IKZF1: variants seen among roughly 807,000 people sequenced by gnomAD.
IKZF1 encodes the protein DNA-binding protein Ikaros.
IKZF1 carries 10 observed loss-of-function variants against 51.7 expected under a neutral mutation model. That is an observed-to-expected ratio of 0.19 (90% CI 0.12 to 0.33). The LOEUF (loss-of-function observed/expected upper bound fraction) is 0.33. IKZF1 is among the 10% of genes least tolerant of loss of function. The probability of loss-of-function intolerance (pLI) is 1.00; values close to 1 mark genes in which losing one functional copy is unlikely to be tolerated. For missense variants in IKZF1, 484 were observed against 707.5 expected (o/e 0.68, Z 3.58); for synonymous variants, 280 against 282.3 (o/e 0.99, Z 0.08).
intron 2 of IKZF1, among the ~76,000 whole-genome samples, chr7:50,322,565 G>A (rs1793683376): frequency 6.6e-6 from 1 of 152,164 alleles, no homozygotes; most frequent in Non-Finnish European, 1.5e-5. Context: ...ACTTGGAGGA[G>A]AGCATATCTA....
chr7:50,316,823 T>G (rs79814380), intron 1 of IKZF1, among the ~76,000 whole-genome samples: 3,703 of 152,330 alleles, frequency 0.024, 64 homozygotes, highest in East Asian at 0.042. Context: ...GTGGTGTTGG[T>G]TGGAAGAGCC....
chr7:50,370,760 G>A (rs1808425977), intron 3 of IKZF1, among the ~76,000 whole-genome samples: 1 of 152,144 alleles, frequency 6.6e-6, no homozygotes, highest in Non-Finnish European at 1.5e-5. Flanking sequence ...AGAAAGAGAG[G>A]ACCAGTCTCC....
chr7:50,359,715 C>T (rs1804652238), intron 3 of IKZF1, among the ~76,000 whole-genome samples: 1 of 152,264 alleles, frequency 6.6e-6, no homozygotes, highest in Non-Finnish European at 1.5e-5. Flanking sequence ...AGACCAGATG[C>T]ACCCACCCAA....
At chr7:50,377,423 A>T (rs1810591804) in intron 4 of IKZF1, 1 of 153,094 alleles carries the variant, frequency 6.5e-6, no homozygotes, top group South Asian at 2.1e-4. Flanking sequence ...TGTCTTGCTG[A>T]AAGGTTTACT....
At chr7:50,305,293 A>G (rs905941590) in intron 1 of IKZF1, among the ~76,000 whole-genome samples, 2 of 152,164 alleles carry the variant, frequency 1.3e-5, no homozygotes, top group African/African-American at 2.4e-5. Context: ...TTCTTTTTAT[A>G]CTATAAATAT....
At chr7:50,309,532 T>C (rs1789650838) in intron 1 of IKZF1, among the ~76,000 whole-genome samples, 1 of 152,206 alleles carries the variant, frequency 6.6e-6, no homozygotes, top group Admixed American at 6.5e-5. Flanking sequence ...AAGAACTGTG[T>C]AAAGTGTTTT....
intron 7 of IKZF1, among the ~76,000 whole-genome samples, chr7:50,393,070 T>C (rs934922247): frequency 6.6e-6 from 1 of 151,904 alleles, no homozygotes; most frequent in Non-Finnish European, 1.5e-5. Context: ...AAGGCTAGGA[T>C]AGTAAAGACA....
At chr7:50,380,456 A>C (rs1007162429) in intron 4 of IKZF1, among the ~76,000 whole-genome samples, 2 of 152,216 alleles carry the variant, frequency 1.3e-5, no homozygotes. Context: ...GTAGCCCTCC[A>C]GACCTGGGGA....
chr7:50,311,894 CG>C lies in IKZF1; in HGVS notation c.-15+6973del, dbSNP rs1790267693. On this transcript the variant is annotated intron_variant, in intron 1 of 7. Coordinates refer to ENST00000331340, the MANE Select transcript of IKZF1 (RefSeq NM_006060.6). Reference sequence around the variant, plus strand: ...TTTTAAAAAAAAATGAAGAAAAAAACGTTTAAAATAATGGGAACACAGCAGT... The same window carrying C: ...TTTTAAAAAAAAATGAAGAAAAAAACTTTAAAATAATGGGAACACAGCAGT... Among the ~76,000 whole-genome samples, 3 of 151,968 alleles carry C rather than the reference CG, an allele frequency of 2.0e-5. No homozygotes were observed. The South Asian group carries it at 6.2e-4, about 32-fold the overall frequency.
intron 3 of IKZF1, among the ~76,000 whole-genome samples, chr7:50,334,170 A>C (rs926936327): frequency 1.4e-4 from 21 of 152,374 alleles, no homozygotes; most frequent in Admixed American, 5.2e-4. Flanking sequence ...ACAGAACTTC[A>C]TGACAGTTTT....
chr7:50,327,468 G>A (rs2153384085), intron 2 of IKZF1, 170 bp from the exon 3 acceptor site: 1 of 639,848 alleles, frequency 1.6e-6, no homozygotes, highest in Non-Finnish European at 2.5e-6. Context: ...ATTGTGTGGG[G>A]AGAAGTGACT....
chr7:50,337,018 A>G (rs1797949423), intron 3 of IKZF1, among the ~76,000 whole-genome samples: 1 of 152,114 alleles, frequency 6.6e-6, no homozygotes, highest in Non-Finnish European at 1.5e-5. Context: ...GTTGCTGGGG[A>G]CAGGATAATG....
intron 3 of IKZF1, among the ~76,000 whole-genome samples, chr7:50,372,810 A>G (rs1226379592): frequency 1.3e-5 from 2 of 152,246 alleles, no homozygotes; most frequent in Admixed American, 6.5e-5. Context: ...ACCTCAGGAC[A>G]GTATGTGATA....
chr7:50,356,881 G>A (rs1803570316), intron 3 of IKZF1, among the ~76,000 whole-genome samples: 1 of 151,852 alleles, frequency 6.6e-6, no homozygotes, highest in Non-Finnish European at 1.5e-5. Flanking sequence ...CGGTGTCTCT[G>A]GATATGGAGG....
intron 3 of IKZF1, among the ~76,000 whole-genome samples, chr7:50,344,547 A>G (rs1584633840): frequency 6.6e-6 from 1 of 152,242 alleles, no homozygotes; most frequent in Non-Finnish European, 1.5e-5. Flanking sequence ...GAGCACATCT[A>G]GAATTATTCC....
At chr7:50,397,121 A>ATCTTTAG (rs1419053504) in intron 7 of IKZF1, among the ~76,000 whole-genome samples, 3 of 152,216 alleles carry the variant, frequency 2.0e-5, no homozygotes, top group Admixed American at 2.0e-4. Context: ...TCACACCTAA[A>ATCTTTAG]GATTTGGAAA....
intron 1 of IKZF1, among the ~76,000 whole-genome samples, chr7:50,306,563 G>T (rs561900071): frequency 6.6e-6 from 1 of 152,210 alleles, no homozygotes; most frequent in Non-Finnish European, 1.5e-5. Context: ...GAGACCACAA[G>T]GGCTGCAGAT....
intron 1 of IKZF1, among the ~76,000 whole-genome samples, chr7:50,306,480 C>A (rs749892403): frequency 9.2e-5 from 14 of 152,122 alleles, no homozygotes; most frequent in Non-Finnish European, 1.6e-4. Flanking sequence ...TAGAGTGGTA[C>A]CTCTTGGAAA....
rs75682636 is a variant in IKZF1 at position 50,399,564 on chromosome 7, A to G, written c.851-354A>G. 5.3e-3 allele frequency among the ~76,000 whole-genome samples: 802 copies of G among 152,322 alleles called. 16 individuals are homozygous for G. Among genetic ancestry groups the G allele is most frequent in the Admixed American group, 0.038 (575 of 15,294 alleles). On this transcript the variant is annotated intron_variant, in intron 7 of 7. Coordinates refer to ENST00000331340, the MANE Select transcript of IKZF1 (RefSeq NM_006060.6). ...CTACTGAAAAAGCATCATTTCAAAT[A>G]CACTATTTAAAATATTAAATGAAAT...
Sources: allele counts gnomAD v4.1 joint callset (sites outside exome capture counted in the v4.1 genomes callset), GRCh38; gene constraint gnomAD v4.1.1; transcripts MANE v1.5; gene names NCBI Gene and HGNC (gene_info 2026-07-23, HGNC 2026-07-21).